Variants in CAMK1D observed in about 807,000 individuals in gnomAD.
The protein encoded by CAMK1D is calcium/calmodulin-dependent protein kinase type 1D.
A neutral mutation model predicts 47.7 loss-of-function variants in CAMK1D; 9 were observed. The ratio of observed to expected loss-of-function variants is 0.19; its 90% CI spans 0.11 to 0.33. The LOEUF (loss-of-function observed/expected upper bound fraction) is 0.33, where lower values mean the gene tolerates loss of function less well. Among genes scored for constraint, CAMK1D ranks in the 10% least tolerant of loss-of-function variants. The probability of loss-of-function intolerance (pLI) is 1.00; values close to 1 mark genes in which losing one functional copy is unlikely to be tolerated. For missense variants in CAMK1D, 291 were observed against 488.7 expected, an observed-to-expected ratio of 0.60 and a Z score of 3.81; for synonymous variants, 184 against 184.9, an observed-to-expected ratio of 0.99 and a Z score of 0.04.
intron 1 of CAMK1D, among the ~76,000 whole-genome samples, chr10:12,357,210 C>T (rs1385005853): frequency 1.3e-5 from 2 of 152,062 alleles, no homozygotes; most frequent in Admixed American, 6.6e-5. Context: ...CTTGCTCTGT[C>T]GCCCAGGCTG....
rs941724707 is a variant in CAMK1D, at chr10:12,431,497, C to T, written c.92+81587C>T. Among the ~76,000 whole-genome samples, 5 of 152,242 alleles carry T rather than the reference C, an allele frequency of 3.3e-5. No homozygotes were observed. The East Asian group carries it at 9.6e-4, about 29-fold the overall frequency. On this transcript the variant is annotated intron_variant, in intron 1 of 10. Transcript: ENST00000619168. ...CAAGAGAGTCAGTTATGTGCACTCC[C>T]GAGAGGTAGATGCAATCCCCTCACT...
At chr10:12,443,214 G>A (rs906407753) in intron 1 of CAMK1D, among the ~76,000 whole-genome samples, 4 of 152,104 alleles carry the variant, frequency 2.6e-5, no homozygotes, top group Admixed American at 6.6e-5. Context: ...AGATCTTCTC[G>A]GGGTTTGCCT....
chr10:12,645,411 T>G (rs1839785074), intron 2 of CAMK1D, among the ~76,000 whole-genome samples: 1 of 152,192 alleles, frequency 6.6e-6, no homozygotes, highest in Non-Finnish European at 1.5e-5. Flanking sequence ...AAACGTCAAA[T>G]CGGCTTAAGT....
At chr10:12,616,181 T>G (rs1838808978) in intron 2 of CAMK1D, among the ~76,000 whole-genome samples, 1 of 152,166 alleles carries the variant, frequency 6.6e-6, no homozygotes, top group African/African-American at 2.4e-5. Flanking sequence ...TAGTTTCATA[T>G]GAGTGTGCAC....
At chr10:12,475,464 C>G (rs1833874666) in intron 1 of CAMK1D, among the ~76,000 whole-genome samples, 1 of 152,134 alleles carries the variant, frequency 6.6e-6, no homozygotes, top group African/African-American at 2.4e-5. Context: ...GATTTCCTTC[C>G]CCATTAAGCC....
At chr10:12,645,199 A>G (rs1475872663) in intron 2 of CAMK1D, among the ~76,000 whole-genome samples, 2 of 152,168 alleles carry the variant, frequency 1.3e-5, no homozygotes, top group African/African-American at 2.4e-5. Context: ...GACAGGAGCA[A>G]TCATTTATCC....
intron 2 of CAMK1D, among the ~76,000 whole-genome samples, chr10:12,618,468 C>T (rs190191742): frequency 1.6e-4 from 25 of 152,296 alleles, no homozygotes; most frequent in Non-Finnish European, 2.9e-4. Context: ...ATGACTGAAC[C>T]GTCTTGCACT....
intron 3 of CAMK1D, among the ~76,000 whole-genome samples, chr10:12,686,338 G>T (rs1008586991): frequency 1.3e-5 from 2 of 151,412 alleles, no homozygotes; most frequent in Non-Finnish European, 2.9e-5. Context: ...TATTTTTTTT[G>T]GAGATGGAGT....
At chr10:12,578,982 C>T (rs185010097) in intron 2 of CAMK1D, among the ~76,000 whole-genome samples, 3 of 152,178 alleles carry the variant, frequency 2.0e-5, no homozygotes, top group Admixed American at 6.5e-5. Context: ...CCCAGAGGCA[C>T]GAGCAGAAGA....
At chr10:12,597,211 G>A (rs895225500) in intron 2 of CAMK1D, among the ~76,000 whole-genome samples, 1 of 152,192 alleles carries the variant, frequency 6.6e-6, no homozygotes, top group Non-Finnish European at 1.5e-5. Flanking sequence ...TTTGAAAACT[G>A]CACGTGGTCT....
At chr10:12,755,474 G>A (rs1161519545) in intron 3 of CAMK1D, among the ~76,000 whole-genome samples, 1 of 152,210 alleles carries the variant, frequency 6.6e-6, no homozygotes, top group Non-Finnish European at 1.5e-5. Context: ...GTGTGCATGT[G>A]TCTTTATAGC....
chr10:12,502,607 C>G (rs1480592630), intron 1 of CAMK1D, among the ~76,000 whole-genome samples: 8 of 152,244 alleles, frequency 5.3e-5, no homozygotes, highest in Admixed American at 2.0e-4. Context: ...TGCCCCAGGC[C>G]TTGTTCTGGA....
intron 2 of CAMK1D, among the ~76,000 whole-genome samples, chr10:12,649,663 T>C (rs1487391772): frequency 6.6e-6 from 1 of 152,180 alleles, no homozygotes; most frequent in East Asian, 1.9e-4. Flanking sequence ...GTCCCCCTTT[T>C]CTTTAGAAAC....
At chr10:12,764,017 C>G (rs550945448) in intron 4 of CAMK1D, among the ~76,000 whole-genome samples, 1 of 152,146 alleles carries the variant, frequency 6.6e-6, no homozygotes, top group Non-Finnish European at 1.5e-5. Flanking sequence ...CCTGAGCCTG[C>G]CTCTCCCCCA....
rs903540828 is a variant in CAMK1D, at chr10:12,611,350, G to C, written c.225-55386G>C. On this transcript the variant is annotated intron_variant, in intron 2 of 10. Coordinates refer to ENST00000619168, the MANE Select transcript of CAMK1D (RefSeq NM_153498.4). ...CTAGAGCCTCGAAGTGCCCCCTTCC[G>C]TGCTGACATTCTGACGTTCCCGCTC... Among the ~76,000 whole-genome samples, 4 of 152,098 alleles carry C rather than the reference G, an allele frequency of 2.6e-5. No individual in the cohort carries two copies. In the South Asian group the frequency reaches 8.3e-4, roughly 32 times the overall value.
chr10:12,753,010 C>G (rs542376226), intron 3 of CAMK1D, among the ~76,000 whole-genome samples: 92 of 152,346 alleles, frequency 6.0e-4, no homozygotes, highest in African/African-American at 2.1e-3. Context: ...CTTTGGGAGG[C>G]TGAGGCAGGT....
At chr10:12,617,571 T>C (rs1191614990) in intron 2 of CAMK1D, among the ~76,000 whole-genome samples, 1 of 152,030 alleles carries the variant, frequency 6.6e-6, no homozygotes, top group Non-Finnish European at 1.5e-5. Flanking sequence ...GGGGAGCCGT[T>C]TCTTCTCTTT....
rs1041010461 is a variant in CAMK1D, at chr10:12,749,444, A to T, written c.300-11504A>T. On this transcript the variant is annotated intron_variant, in intron 3 of 10. Coordinates refer to ENST00000619168, the MANE Select transcript of CAMK1D (RefSeq NM_153498.4). ...ATGAATGTGTAGGTGCTAGAAAGTT[A>T]AAAAAAAAAAAAAAAAAAAAGAAAT... Among the ~76,000 whole-genome samples the T allele has an allele frequency of 3.9e-4, 5 of 12,702 alleles. No individual in the cohort carries two copies. In the East Asian group the frequency reaches 6.6e-3, roughly 17 times the overall value. The allele number at this position is 12,702 out of a possible 152,430, so 8.3% of individuals were successfully genotyped here.
intron 6 of CAMK1D, among the ~76,000 whole-genome samples, chr10:12,801,338 TATCTATCTATCTATCTTATC>T (rs1163090032): frequency 2.1e-4 from 22 of 106,196 alleles, no homozygotes; most frequent in Non-Finnish European, 3.3e-4. Context: ...TCTATCTATC[TATCTATCTATCTATCTTATC>T]TATCTATCTA....
Sources: gnomAD v4.1 joint callset for allele counts (sites outside exome capture counted in the v4.1 genomes callset) on GRCh38, gnomAD v4.1.1 for gene constraint, MANE v1.5 for transcripts, NCBI Gene and HGNC (gene_info 2026-07-23, HGNC 2026-07-21) for gene names.